LDLRAD4: variants seen among roughly 807,000 people sequenced by gnomAD.
The protein encoded by LDLRAD4 is low density lipoprotein receptor class A domain containing 4, also known as low-density lipoprotein receptor class A domain-containing protein 4.
Under a neutral mutation model 17.0 loss-of-function variants are expected in LDLRAD4, and 5 were observed. The ratio of observed to expected loss-of-function variants is 0.29; its 90% confidence interval spans 0.15 to 0.62. LDLRAD4 has a LOEUF of 0.62. Among genes scored for constraint, LDLRAD4 ranks in the 20% least tolerant of loss-of-function variants. LDLRAD4 has a pLI of 0.84. For synonymous variants in LDLRAD4, 168 were observed against 171.8 expected, an observed-to-expected ratio of 0.98 and a Z score of 0.17; for missense variants, 340 against 424.7, an observed-to-expected ratio of 0.80 and a Z score of 1.75.
chr18:13,414,243 C>G (rs2088656459), intron 2 of LDLRAD4, among the ~76,000 whole-genome samples: 1 of 152,232 alleles, frequency 6.6e-6, no homozygotes, highest in South Asian at 2.1e-4. Context: ...TTGGGAGATG[C>G]CTCCATCCCC....
At position 13,264,104 on chromosome 18, in the gene LDLRAD4, G is replaced by C. The variant is rs555495892; in HGVS notation, c.-466-14001G>C. Reference sequence around the variant, plus strand: ...CGACCCGGCCCTGTCCCCTCTGGTGGATTGGGCCCCACCTGTCCCTTTCCA... The same window carrying C: ...CGACCCGGCCCTGTCCCCTCTGGTGCATTGGGCCCCACCTGTCCCTTTCCA... On this transcript the variant is annotated intron_variant, in intron 1 of 5. Transcript: ENST00000399848. 1.1e-3 allele frequency among the ~76,000 whole-genome samples: 173 copies of C among 152,334 alleles called. 1 individual carries two copies. Among genetic ancestry groups the C allele is most frequent in the Non-Finnish European group, 2.0e-3 (133 of 68,030 alleles).
chr18:13,370,067 A>G (rs1056236458), intron 1 of LDLRAD4, among the ~76,000 whole-genome samples: 3 of 151,878 alleles, frequency 2.0e-5, no homozygotes, highest in Non-Finnish European at 4.4e-5. Context: ...GCACTAATTA[A>G]ATTCCTGGTT....
chr18:13,303,273 G>T lies in LDLRAD4; in HGVS notation c.-383+25085G>T, dbSNP rs183308710. Among the ~76,000 whole-genome samples, 10 of 152,272 alleles carry T rather than the reference G, an allele frequency of 6.6e-5. No homozygotes were observed. In the South Asian group the frequency reaches 1.7e-3, roughly 25 times the overall value. ...ACAATTTTTTTTCCCTAGAGGCAGGGTCTCACTCTGATGCCCAGGCTGAAG... is the reference window on the plus strand; with the variant it reads ...ACAATTTTTTTTCCCTAGAGGCAGGTTCTCACTCTGATGCCCAGGCTGAAG... On this transcript the variant is annotated intron_variant, in intron 1 of 5. Transcript: ENST00000359446.
chr18:13,291,396 T>A (rs1454972620), intron 1 of LDLRAD4, among the ~76,000 whole-genome samples: 1 of 152,238 alleles, frequency 6.6e-6, no homozygotes, highest in Non-Finnish European at 1.5e-5. Context: ...TGAAGGAAAC[T>A]ATAAAATGTT....
At chr18:13,431,521 G>T (rs2090332866) in intron 2 of LDLRAD4, among the ~76,000 whole-genome samples, 1 of 152,196 alleles carries the variant, frequency 6.6e-6, no homozygotes, top group African/African-American at 2.4e-5. Context: ...CTGCTCTGAA[G>T]GGTAATTGCA....
intron 3 of LDLRAD4, among the ~76,000 whole-genome samples, chr18:13,531,526 G>A (rs2094126788): frequency 6.7e-6 from 1 of 149,264 alleles, no homozygotes; most frequent in Admixed American, 6.7e-5. Context: ...GGAGTTCAAG[G>A]CTCCAGTGAG....
intron 4 of LDLRAD4, among the ~76,000 whole-genome samples, chr18:13,633,498 C>T (rs943384255): frequency 1.3e-5 from 2 of 152,216 alleles, no homozygotes; most frequent in African/African-American, 4.8e-5. Flanking sequence ...CACCAACCCA[C>T]CCTCAGCCCA....
At chr18:13,502,957 G>A (rs184995093) in intron 3 of LDLRAD4, among the ~76,000 whole-genome samples, 24 of 152,346 alleles carry the variant, frequency 1.6e-4, no homozygotes, top group Non-Finnish European at 2.9e-4. Context: ...GGAAAGGCTT[G>A]AGAAGGAAGG....
chr18:13,434,823 A>G (rs1405807950), intron 2 of LDLRAD4, among the ~76,000 whole-genome samples: 1 of 152,228 alleles, frequency 6.6e-6, no homozygotes, highest in Non-Finnish European at 1.5e-5. Flanking sequence ...CATTCCAATA[A>G]AATACCATTA....
At chr18:13,431,747 G>A (rs1254406277) in intron 2 of LDLRAD4, among the ~76,000 whole-genome samples, 1 of 152,080 alleles carries the variant, frequency 6.6e-6, no homozygotes, top group African/African-American at 2.4e-5. Context: ...CTTATTACTT[G>A]GGCAGATTTC....
At chr18:13,376,352 G>A (rs1054768190) in intron 1 of LDLRAD4, among the ~76,000 whole-genome samples, 2 of 152,200 alleles carry the variant, frequency 1.3e-5, no homozygotes, top group Non-Finnish European at 2.9e-5. Flanking sequence ...TCAGGCTGGC[G>A]CGGCCCACGG....
At chr18:13,545,609 C>T (rs906436853) in intron 3 of LDLRAD4, among the ~76,000 whole-genome samples, 1 of 152,150 alleles carries the variant, frequency 6.6e-6, no homozygotes, top group Non-Finnish European at 1.5e-5. Context: ...ACACACACAC[C>T]TTCTTCTAGC....
chr18:13,631,385 G>C (rs1049938682), intron 4 of LDLRAD4, among the ~76,000 whole-genome samples: 2 of 152,076 alleles, frequency 1.3e-5, no homozygotes, highest in Non-Finnish European at 2.9e-5. Context: ...CTCCAACCTG[G>C]ACCACATGGC....
intron 3 of LDLRAD4, among the ~76,000 whole-genome samples, chr18:13,548,871 A>G (rs1365898345): frequency 1.3e-5 from 2 of 152,260 alleles, no homozygotes; most frequent in African/African-American, 2.4e-5. Flanking sequence ...TAGACAGGCC[A>G]TTGCTGCCAT....
At chr18:13,564,371 G>T (rs770799207) in intron 3 of LDLRAD4, among the ~76,000 whole-genome samples, 6 of 148,108 alleles carry the variant, frequency 4.1e-5, no homozygotes, top group Non-Finnish European at 8.9e-5. Flanking sequence ...CACATCTCTG[G>T]CAATTTTCCT....
chr18:13,576,182 G>A (rs974512031), intron 3 of LDLRAD4, among the ~76,000 whole-genome samples: 2 of 152,152 alleles, frequency 1.3e-5, no homozygotes, highest in African/African-American at 4.8e-5. Context: ...CCAGCACTTT[G>A]GGAGGCCAAG....
intron 3 of LDLRAD4, among the ~76,000 whole-genome samples, chr18:13,565,911 A>G (rs2094595030): frequency 6.6e-6 from 1 of 152,218 alleles, no homozygotes; most frequent in South Asian, 2.1e-4. Flanking sequence ...CGTGGCTCTG[A>G]AGACTGTGAC....
chr18:13,636,306 C>T (rs1215618037), intron 4 of LDLRAD4, among the ~76,000 whole-genome samples: 1 of 151,938 alleles, frequency 6.6e-6, no homozygotes, highest in African/African-American at 2.4e-5. Flanking sequence ...AGAGGCTTTT[C>T]CATCTCATGA....
intron 1 of LDLRAD4, among the ~76,000 whole-genome samples, chr18:13,296,215 G>A (rs1047294902): frequency 1.3e-5 from 2 of 152,180 alleles, no homozygotes; most frequent in African/African-American, 2.4e-5. Flanking sequence ...CGCAAGAGGC[G>A]ACCGCCAAAT....
Sources: gnomAD v4.1 joint callset for allele counts (sites outside exome capture counted in the v4.1 genomes callset) on GRCh38, gnomAD v4.1.1 for gene constraint, MANE v1.5 for transcripts, NCBI Gene and HGNC (gene_info 2026-07-23, HGNC 2026-07-21) for gene names.